The following CD300LB variants were observed in gnomAD, a reference collection of about 807,000 sequenced individuals.
CD300LB encodes the protein CD300 molecule like family member b, also known as CMRF35-like molecule 7.
In CD300LB, 18 loss-of-function variants were observed where a neutral mutation model predicts 20.8. The ratio of observed to expected loss-of-function variants is 0.87; its 90% CI spans 0.60 to 1.28. CD300LB has a LOEUF of 1.28. Ranked by LOEUF, CD300LB falls within the 50% of genes most tolerant of loss-of-function variation. The pLI, the probability that CD300LB is intolerant of heterozygous loss-of-function variation, is 0.00. For synonymous variants in CD300LB, 91 were observed against 91.3 expected (o/e 1.00, Z 0.02); for missense variants, 222 against 251.8 (o/e 0.88, Z 0.80).
rs752840212 is a variant in CD300LB, at chr17:74,526,044, C to G, written c.74G>C (p.Arg25Thr). The change falls in exon 2 of 4, where the codon AGA (arginine) becomes ACA (threonine). Residue 25 changes from arginine to threonine, a missense_variant. Physicochemically the swap from Arg to Thr is moderately conservative, Grantham distance 71. Coordinates refer to ENST00000392621, the MANE Select transcript of CD300LB (RefSeq NM_174892.4). ...CGTCAGGGACCCCTGCTCTGGGGCT[C>G]TCACAGACTCTGGGCCTTGGATGGA... Reference protein sequence around the residue: ...CFSIQGPESVRAPEQGSLTVQ... With the variant: ...CFSIQGPESVTAPEQGSLTVQ... The G allele has an allele frequency of 6.2e-7, 1 of 1,614,052 alleles. No homozygotes were observed. The highest frequency in any genetic ancestry group is 8.5e-7 in the Non-Finnish European group (1 of 1,179,918).
In CD300LB at chr17:74,523,630, G is replaced by C; in HGVS notation, c.392C>G (p.Ala131Gly). The C allele has an allele frequency of 6.2e-7, 1 of 1,613,468 alleles. No homozygotes were observed. The highest frequency in any genetic ancestry group is 8.5e-7 in the Non-Finnish European group (1 of 1,179,378). ...VDPEGAASTT[A>G]SSPTNSNMAV... ...CATATTGCTGTTGGTAGGTGAGCTT[G>C]CTGTTGTGGAAGCCGCTCCCTCTAG... is the stretch of plus-strand genomic sequence containing the variant. Residue 131 changes from alanine to glycine, a missense_variant, in exon 3 of 4, where the codon GCA becomes GGA. Coordinates refer to ENST00000392621, the MANE Select transcript of CD300LB (RefSeq NM_174892.4).
intron 3 of CD300LB, 109 bp from the exon 4 acceptor site, chr17:74,523,009 A>G (rs1907930384): frequency 9.4e-7 from 1 of 1,061,084 alleles, no homozygotes; most frequent in Non-Finnish European, 1.4e-6. Flanking sequence ...TGGGCCGGGC[A>G]GCCCCACTCT....
intron 1 of CD300LB, 44 bp from the exon 2 acceptor site, chr17:74,526,121 A>T (rs772936326): frequency 1.9e-6 from 3 of 1,583,740 alleles, no homozygotes; most frequent in Non-Finnish European, 2.6e-6. Flanking sequence ...CACCGGCACG[A>T]ACCCCTGCTC....
Position 74,521,362 on chromosome 17 carries a change from T to C in CD300LB, c.*1376A>G. The C allele has an allele frequency of 1.0e-6, 1 of 985,564 alleles. No homozygotes were observed. Among genetic ancestry groups the C allele is most frequent in the Non-Finnish European group, 1.2e-6 (1 of 830,048 alleles). The allele number at this position is 985,564 out of a possible 1,614,324, so 61.1% of individuals were successfully genotyped here. ...CTGGTCGGATCTTCGGGAAGCTGGA[T>C]CCAGGAAAGCATTCCAGGAGGTAGG... On this transcript the variant is annotated 3_prime_UTR_variant, in exon 4 of 4. Coordinates refer to ENST00000392621, the MANE Select transcript of CD300LB (RefSeq NM_174892.4).
chr17:74,528,481 A>G (rs1042044422), intron 1 of CD300LB, among the ~76,000 whole-genome samples: 2 of 152,216 alleles, frequency 1.3e-5, no homozygotes, highest in Non-Finnish European at 2.9e-5. Flanking sequence ...ATGGCATTCA[A>G]TCAGCAGAAC....
At position 74,531,345 on chromosome 17, in the gene CD300LB, C is replaced by T. The variant is rs1908208924; in HGVS notation, c.6G>A (p.Trp2Ter). The change falls in exon 1 of 4, where the codon TGG becomes TGA. Residue 2 changes from tryptophan (W) to a stop codon, truncating the protein, a stop_gained. Transcript: ENST00000392621. LOFTEE classifies it high-confidence loss of function. ...TGAGAAGGAGCAGAGCAGGGGGCAG[C>T]CACATGGCTCTGCCTTCCCGGCTCC... M[W>*]LPPALLLLSL... 6.2e-7 allele frequency: 1 copy of T among 1,609,066 alleles called. No homozygotes were observed.
chr17:74,525,897 T>A lies in CD300LB; in HGVS notation c.221A>T (p.Asp74Val), dbSNP rs1320313380. Reference sequence around the variant, plus strand: ...CTGATTGTCCTTGATGGACACACGGTCACTCTTCTCTCCTTGCTCCGACCC... The same window carrying A: ...CTGATTGTCCTTGATGGACACACGGACACTCTTCTCTCCTTGCTCCGACCC... ...TRGSEQGEKS[D>V]RVSIKDNQKD... Residue 74 changes from aspartate to valine, a missense_variant, in exon 2 of 4, where the codon GAC (aspartate) becomes GTC (valine). Physicochemically the swap from Asp to Val is radical, Grantham distance 152. Coordinates refer to ENST00000392621, the MANE Select transcript of CD300LB (RefSeq NM_174892.4). The A allele has an allele frequency of 6.2e-7, 1 of 1,614,010 alleles. No homozygotes were observed. Among genetic ancestry groups the A allele is most frequent in the Non-Finnish European group, 8.5e-7 (1 of 1,180,038 alleles).
At position 74,525,666 on chromosome 17, in the gene CD300LB, C is replaced by A. The variant is rs138897301; in HGVS notation, c.370+82G>T. 3,067 of 1,178,088 alleles carry A rather than the reference C, an allele frequency of 2.6e-3. 3 individuals are homozygous for A. Among genetic ancestry groups the A allele is most frequent in the Admixed American group, 3.6e-3 (184 of 51,280 alleles). 73.0% of individuals were successfully genotyped at this position (1,178,088 alleles called of 1,614,324 possible). ...TAGGCTCACCATCATTCCCTTTCAG[C>A]CTTGGAGGGGAGCAGGTAAGAGCAC... is the stretch of plus-strand genomic sequence containing the variant. On this transcript the variant is annotated intron_variant, in intron 2 of 3. Coordinates refer to ENST00000392621, the MANE Select transcript of CD300LB (RefSeq NM_174892.4).
chr17:74,525,699 C>T, intron 2 of CD300LB, 49 bp downstream of exon 2: 1 of 1,547,766 alleles, frequency 6.5e-7, no homozygotes. Context: ...CACTGACTTT[C>T]CCAGCCCTGA....
intron 1 of CD300LB, among the ~76,000 whole-genome samples, chr17:74,529,384 A>G (rs1177220100): frequency 6.6e-6 from 1 of 152,002 alleles, no homozygotes; most frequent in Non-Finnish European, 1.5e-5. Flanking sequence ...CGCCACCCCC[A>G]AGATGTCCTG....
chr17:74,528,085 C>G (rs1908090123), intron 1 of CD300LB, among the ~76,000 whole-genome samples: 1 of 151,888 alleles, frequency 6.6e-6, no homozygotes. Flanking sequence ...TCCCATCACC[C>G]CCAGATGGGA....
At chr17:74,529,551 G>T (rs910001583) in intron 1 of CD300LB, among the ~76,000 whole-genome samples, 5 of 152,192 alleles carry the variant, frequency 3.3e-5, no homozygotes, top group African/African-American at 1.2e-4. Flanking sequence ...CGCACTTTGG[G>T]AGGCCAAGGT....
At chr17:74,528,944 C>A (rs1908115502) in intron 1 of CD300LB, among the ~76,000 whole-genome samples, 1 of 151,888 alleles carries the variant, frequency 6.6e-6, no homozygotes, top group African/African-American at 2.4e-5. Context: ...CTAACCTGGG[C>A]AACATGGTGA....
Position 74,523,765 on chromosome 17 carries a change from A to C in CD300LB, c.371-114T>G, listed in dbSNP as rs115899842. ...ACCAGAAGACCCTTTTCCCTGGAGT[A>C]GGAGGATTTTTCTCTCCTGCTACAG... is the stretch of plus-strand genomic sequence containing the variant. On this transcript the variant is annotated intron_variant, in intron 2 of 3. Coordinates refer to ENST00000392621, the MANE Select transcript of CD300LB (RefSeq NM_174892.4). 2,962 of 720,842 alleles carry C rather than the reference A, an allele frequency of 4.1e-3. 63 individuals carry two copies. The African/African-American group carries it at 0.044, about 11-fold the overall frequency. The allele number at this position is 720,842 out of a possible 1,614,324, so 44.7% of individuals were successfully genotyped here.
intron 2 of CD300LB, among the ~76,000 whole-genome samples, chr17:74,524,589 AAAAACAAAC>A (rs1907975496): frequency 6.6e-6 from 1 of 152,168 alleles, no homozygotes; most frequent in Admixed American, 6.5e-5. Context: ...CCCTGTCTCA[AAAAACAAAC>A]AAAACAAAAT....
In CD300LB at chr17:74,523,581, C is replaced by G. The variant is rs772487384; in HGVS notation, c.441G>C (p.Lys147Asn). ...SNMAVFIGSH[K>N]RNHYMLLVFV... The stretch of plus-strand genomic sequence containing the variant: ...GGAGAAAGAACCACATGACTCACCT[C>G]TTGTGGGAGCCGATGAACACTGCCA... The change falls in exon 3 of 4, where the codon AAG (lysine) becomes AAC (asparagine). Residue 147 changes from lysine to asparagine, a missense_variant and splice_region_variant. Transcript: ENST00000392621. 7.4e-6 allele frequency: 12 copies of G among 1,610,788 alleles called. No homozygotes were observed. Among genetic ancestry groups the G allele is most frequent in the Non-Finnish European group, 1.0e-5 (12 of 1,176,936 alleles).
intron 2 of CD300LB, among the ~76,000 whole-genome samples, chr17:74,525,436 T>A (rs1243481964): frequency 6.6e-6 from 1 of 152,082 alleles, no homozygotes; most frequent in Non-Finnish European, 1.5e-5. Context: ...CTCTGCCATG[T>A]CATGAGCAGG....
chr17:74,529,646 C>A (rs1033171141), intron 1 of CD300LB, among the ~76,000 whole-genome samples: 2 of 152,148 alleles, frequency 1.3e-5, no homozygotes, highest in Non-Finnish European at 1.5e-5. Context: ...CAAAAATTAG[C>A]CAGGCATGGT....
intron 3 of CD300LB, chr17:74,523,363 G>A (rs1298608132): frequency 8.6e-6 from 5 of 584,748 alleles, no homozygotes; most frequent in Non-Finnish European, 1.5e-5. Context: ...GATGCTCACT[G>A]AGAAGAGTTC....
Sources: allele counts gnomAD v4.1 joint callset (sites outside exome capture counted in the v4.1 genomes callset), GRCh38; gene constraint gnomAD v4.1.1; transcripts MANE v1.5; gene names NCBI Gene and HGNC (gene_info 2026-07-23, HGNC 2026-07-21).